Variants in MEGF9 observed in about 807,000 individuals in gnomAD.
MEGF9 encodes the protein multiple epidermal growth factor-like domains protein 9.
In MEGF9, 6 loss-of-function variants were observed where a neutral mutation model predicts 46.8. The ratio of observed to expected loss-of-function variants is 0.13; its 90% confidence interval spans 0.07 to 0.25. The LOEUF is 0.25. MEGF9 is among the 10% of genes least tolerant of loss of function. The pLI, the probability that MEGF9 is intolerant of heterozygous loss-of-function variation, is 1.00. For synonymous variants in MEGF9, 302 were observed against 330.7 expected, an observed-to-expected ratio of 0.91 and a Z score of 0.94; for missense variants, 683 against 792.4, an observed-to-expected ratio of 0.86 and a Z score of 1.66.
Position 120,714,469 on chromosome 9 carries a change from C to CT in MEGF9, c.-112dup. ...CCGGGCGCACCATCGCCACCTCCCT[C>CT]TGACAGGCGGCCGGCCCCGCGGGCG... On this transcript the variant is annotated 5_prime_UTR_variant, in exon 1 of 6. Coordinates refer to ENST00000373930, the MANE Select transcript of MEGF9 (RefSeq NM_001080497.3). 1 of 1,000,616 alleles carries CT rather than the reference C, an allele frequency of 1.0e-6. No individual in the cohort carries two copies. The allele number at this position is 1,000,616 out of a possible 1,614,324, so 62.0% of individuals were successfully genotyped here.
rs1215425145 is a variant in MEGF9 at position 120,714,295 on chromosome 9, A to G, written c.64T>C (p.Cys22Arg). Reference sequence around the variant, plus strand: ...GCGGCGGCGGCGGCGGCGGCGCAGCACAACAGGGCGAGGCCGCCCAGGCTC... The same window carrying G: ...GCGGCGGCGGCGGCGGCGGCGCAGCGCAACAGGGCGAGGCCGCCCAGGCTC... ...LPSLGGLALL[C>R]CAAAAAAAAV... The change falls in exon 1 of 6, where the codon TGC becomes CGC. Residue 22 changes from cysteine to arginine, a missense_variant. By Grantham distance (180) the Cys-to-Arg change is radical. Transcript: ENST00000373930. 1 of 1,278,504 alleles carries G rather than the reference A, an allele frequency of 7.8e-7. No individual in the cohort carries two copies. The highest frequency in any genetic ancestry group is 9.9e-7 in the Non-Finnish European group (1 of 1,013,082). 79.2% of individuals were successfully genotyped at this position (1,278,504 alleles called of 1,614,324 possible). A position where few individuals can be genotyped will look rare whatever the true frequency, so the allele number is the denominator to read the frequency against.
At chr9:120,615,172 G>A (rs534545017) in intron 3 of MEGF9, among the ~76,000 whole-genome samples, 2 of 151,316 alleles carry the variant, frequency 1.3e-5, no homozygotes, top group Non-Finnish European at 3.0e-5. Flanking sequence ...CCGGAAAGCA[G>A]AGGTTGTGGT....
At position 120,627,565 on chromosome 9, in the gene MEGF9, C is replaced by T. The variant is rs139031488; in HGVS notation, c.804-4810G>A. Among the ~76,000 whole-genome samples the T allele has an allele frequency of 1.1e-3, 168 of 152,278 alleles. 2 individuals are homozygous for T. Among genetic ancestry groups the T allele is most frequent in the African/African-American group, 4.0e-3 (166 of 41,552 alleles). On this transcript the variant is annotated intron_variant, in intron 2 of 5. Transcript: ENST00000373930. Reference sequence around the variant, plus strand: ...GCAACCTCCGCCTCCTGGGTTCAAGCGATTCTCCTGCCTCAGCCTCCCAAG... The same window carrying T: ...GCAACCTCCGCCTCCTGGGTTCAAGTGATTCTCCTGCCTCAGCCTCCCAAG...
In MEGF9 at chr9:120,622,706, G is replaced by A; in HGVS notation, c.853C>T (p.Arg285Ter). Reference sequence around the variant, plus strand: ...AAGCCATAATATCCATCTTGGCATCGGTCACATATAGAGCCAATGACACCC... The same window carrying A: ...AAGCCATAATATCCATCTTGGCATCAGTCACATATAGAGCCAATGACACCC... Reference protein sequence around the residue: ...KVGVIGSICDRCQDGYYGFSK... With the variant: ...KVGVIGSICD Residue 285 changes from arginine (R) to a stop codon, truncating the protein, a stop_gained, in exon 3 of 6, where the codon CGA (arginine) becomes TGA (stop). Coordinates refer to ENST00000373930, the MANE Select transcript of MEGF9 (RefSeq NM_001080497.3). LOFTEE classifies it high-confidence loss of function. 6.2e-7 allele frequency: 1 copy of A among 1,613,550 alleles called. No homozygotes were observed. The highest frequency in any genetic ancestry group is 8.5e-7 in the Non-Finnish European group (1 of 1,179,758).
intron 2 of MEGF9, among the ~76,000 whole-genome samples, chr9:120,657,346 C>CA (rs2043681751): frequency 6.6e-6 from 1 of 152,152 alleles, no homozygotes; most frequent in African/African-American, 2.4e-5. Flanking sequence ...CATTAACTGT[C>CA]AGAGAAAAGA....
At chr9:120,614,172 T>C (rs2043461299) in intron 3 of MEGF9, among the ~76,000 whole-genome samples, 1 of 152,116 alleles carries the variant, frequency 6.6e-6, no homozygotes, top group Admixed American at 6.5e-5. Flanking sequence ...TACAGGCGCA[T>C]GTCACCACGC....
intron 1 of MEGF9, among the ~76,000 whole-genome samples, chr9:120,710,267 A>G (rs2043947238): frequency 6.6e-6 from 1 of 151,814 alleles, no homozygotes; most frequent in Admixed American, 6.6e-5. Context: ...TGTCTTTACT[A>G]AAAACACAAA....
intron 2 of MEGF9, among the ~76,000 whole-genome samples, chr9:120,633,755 T>C (rs2132309510): frequency 6.6e-6 from 1 of 152,282 alleles, no homozygotes; most frequent in South Asian, 2.1e-4. Context: ...CTTTTGATAC[T>C]GTGTTTGCTC....
At chr9:120,637,433 A>G (rs2043582593) in intron 2 of MEGF9, among the ~76,000 whole-genome samples, 1 of 151,962 alleles carries the variant, frequency 6.6e-6, no homozygotes, top group Admixed American at 6.6e-5. Context: ...TACTAAAAAA[A>G]GTTTAAAAAA....
chr9:120,693,433 G>T (rs376836393), intron 1 of MEGF9, among the ~76,000 whole-genome samples: 40 of 152,334 alleles, frequency 2.6e-4, no homozygotes, highest in African/African-American at 8.9e-4. Flanking sequence ...CAGATTTTAA[G>T]TGTGTGTATT....
At chr9:120,654,757 T>G (rs895876834) in intron 2 of MEGF9, among the ~76,000 whole-genome samples, 1 of 152,200 alleles carries the variant, frequency 6.6e-6, no homozygotes, top group African/African-American at 2.4e-5. Flanking sequence ...GACAGCTCCA[T>G]GCATGTTATT....
chr9:120,618,758 C>T (rs531341164), intron 3 of MEGF9, among the ~76,000 whole-genome samples: 11 of 151,550 alleles, frequency 7.3e-5, no homozygotes, highest in Admixed American at 2.6e-4. Flanking sequence ...ATTAGCTGGG[C>T]GTGTGATGGT....
chr9:120,626,359 A>T (rs1001987632), intron 2 of MEGF9, among the ~76,000 whole-genome samples: 3 of 152,232 alleles, frequency 2.0e-5, no homozygotes, highest in African/African-American at 7.2e-5. Flanking sequence ...CCCAAAAGGG[A>T]TTCTCAGATT....
chr9:120,614,483 A>G (rs1386280298), intron 3 of MEGF9, among the ~76,000 whole-genome samples: 1 of 152,220 alleles, frequency 6.6e-6, no homozygotes, highest in East Asian at 1.9e-4. Context: ...AAAGTAGTAT[A>G]TATTCATGCT....
chr9:120,656,010 A>G (rs763176732), intron 2 of MEGF9, among the ~76,000 whole-genome samples: 5 of 152,212 alleles, frequency 3.3e-5, no homozygotes, highest in Non-Finnish European at 5.9e-5. Flanking sequence ...GCCAAAACAC[A>G]CTGAATTGAG....
intron 1 of MEGF9, among the ~76,000 whole-genome samples, chr9:120,706,150 CT>C (rs1173185715): frequency 6.6e-6 from 1 of 152,096 alleles, no homozygotes; most frequent in Non-Finnish European, 1.5e-5. Context: ...GCCAGAATGT[CT>C]GGAAGTTAAT....
At position 120,714,003 on chromosome 9, in the gene MEGF9, G is replaced by A. The variant is rs758261015; in HGVS notation, c.356C>T (p.Pro119Leu). Residue 119 changes from proline (P) to leucine (L), a missense_variant, in exon 1 of 6, where the codon CCG becomes CTG. Pro to Leu is a moderately conservative substitution (Grantham distance 98, BLOSUM62 -3). Coordinates refer to ENST00000373930, the MANE Select transcript of MEGF9 (RefSeq NM_001080497.3). The part of the protein sequence containing the change: ...AGPSSTTFQA[P>L]LGPSPTTPPA... ...AGGGGTGGTCGGCGAGGGGCCGAGC[G>A]GCGCCTGAAAGGTGGTGGAAGAGGG... The A allele has an allele frequency of 1.4e-6, 2 of 1,385,530 alleles. No homozygotes were observed. Among genetic ancestry groups the A allele is most frequent in the Non-Finnish European group, 9.4e-7 (1 of 1,064,790 alleles). The allele number at this position is 1,385,530 out of a possible 1,614,324, so 85.8% of individuals were successfully genotyped here.
intron 3 of MEGF9, among the ~76,000 whole-genome samples, chr9:120,617,878 T>C (rs1374943870): frequency 6.6e-6 from 1 of 152,196 alleles, no homozygotes; most frequent in Non-Finnish European, 1.5e-5. Flanking sequence ...AGCTGGATAT[T>C]TGCAGTAATA....
chr9:120,636,718 C>T (rs948543423), intron 2 of MEGF9, among the ~76,000 whole-genome samples: 17 of 152,262 alleles, frequency 1.1e-4, no homozygotes, highest in Non-Finnish European at 1.8e-4. Flanking sequence ...TCTGCCCAGC[C>T]GCGACCCCGT....
Sources: allele counts gnomAD v4.1 joint callset (sites outside exome capture counted in the v4.1 genomes callset), GRCh38; gene constraint gnomAD v4.1.1; transcripts MANE v1.5; gene names NCBI Gene and HGNC (gene_info 2026-07-23, HGNC 2026-07-21).